Variants in ASNSD1 observed in about 807,000 individuals in gnomAD.
ASNSD1 encodes asparagine synthetase domain containing 1.
ASNSD1 carries 36 observed loss-of-function variants against 48.3 expected under a neutral mutation model. The observed-to-expected ratio is 0.75, with a 90% CI of 0.57 to 0.99. ASNSD1 has a LOEUF of 0.99. Ranked by LOEUF, ASNSD1 falls within the 50% of genes least tolerant of loss-of-function variation. The pLI is 0.00. For synonymous variants in ASNSD1, 257 were observed against 262.1 expected (o/e 0.98, Z 0.19); for missense variants, 714 against 758.2 (o/e 0.94, Z 0.69).
rs764446196 is a variant in ASNSD1, at chr2:189,667,104, C to G, written c.972C>G (p.Ile324Met). Residue 324 changes from isoleucine to methionine, a missense_variant, in exon 4 of 6, where the codon ATC (isoleucine) becomes ATG (methionine). Ile to Met is a conservative substitution (Grantham distance 10). Transcript: ENST00000260952. Reference protein sequence around the residue: ...KTCDRKANVAILFSGGIDSMV... With the variant: ...KTCDRKANVAMLFSGGIDSMV... ...GTGATAGGAAAGCAAATGTTGCAAT[C>G]CTGTTTTCTGGGGGCATTGATTCCA... 1 of 1,614,170 alleles carries G rather than the reference C, an allele frequency of 6.2e-7. No homozygotes were observed. The highest frequency in any genetic ancestry group is 1.6e-4 in the Middle Eastern group (1 of 6,062).
chr2:189,667,498 T>C lies in ASNSD1; in HGVS notation c.1366T>C (p.Leu456=). The C allele has an allele frequency of 6.2e-7, 1 of 1,614,154 alleles. No homozygotes were observed. The highest frequency in any genetic ancestry group is 8.5e-7 in the Non-Finnish European group (1 of 1,180,014). Residue 456 remains leucine (L), a synonymous_variant, in exon 4 of 6, where the codon TTG becomes CTG. Coordinates refer to ENST00000260952, the MANE Select transcript of ASNSD1 (RefSeq NM_019048.4). The part of the protein sequence containing the change: ...CHLIRPLDTV[L]DDSIGCAVWF... ...CTTAATTCGGCCATTGGATACAGTT[T>C]TGGATGATAGCATTGGCTGTGCAGT...
At chr2:189,661,960 A>T (rs1025519813) in intron 1 of ASNSD1, among the ~76,000 whole-genome samples, 1 of 152,060 alleles carries the variant, frequency 6.6e-6, no homozygotes, top group Non-Finnish European at 1.5e-5. Context: ...CATGCCAGCA[A>T]CCCGGGGTCC....
intron 1 of ASNSD1, among the ~76,000 whole-genome samples, chr2:189,662,422 G>A (rs2032688968): frequency 6.6e-6 from 1 of 152,188 alleles, no homozygotes; most frequent in East Asian, 1.9e-4. Flanking sequence ...AAAGTGAAAT[G>A]TACACCTGTC....
chr2:189,666,697 T>G lies in ASNSD1; in HGVS notation c.565T>G (p.Ser189Ala). The stretch of plus-strand genomic sequence containing the variant: ...AATTGATCTTAAGTCTACTGTCATT[T>G]CCGGATGCATTATTTTACAACTGTA... ...FRIDLKSTVI[S>A]GCIILQLYPW... The change falls in exon 4 of 6, where the codon TCC (serine) becomes GCC (alanine). Residue 189 changes from serine to alanine, a missense_variant. Physicochemically the swap from Ser to Ala is moderately conservative, Grantham distance 99. Coordinates refer to ENST00000260952, the MANE Select transcript of ASNSD1 (RefSeq NM_019048.4). 6.2e-7 allele frequency: 1 copy of G among 1,612,998 alleles called. No homozygotes were observed. Among genetic ancestry groups the G allele is most frequent in the South Asian group, 1.1e-5 (1 of 91,044 alleles).
rs1651029800 is a variant in ASNSD1, at chr2:189,666,751, A to G, written c.619A>G (p.Ile207Val). 8.1e-6 allele frequency: 13 copies of G among 1,613,336 alleles called. No individual in the cohort carries two copies. The highest frequency in any genetic ancestry group is 9.3e-6 in the Non-Finnish European group (11 of 1,179,394). ...TTGGAAATATATTTCTAGGGAGAATATTATTGAAGAAAATGTTAATAGCCT... is the reference window on the plus strand; with the variant it reads ...TTGGAAATATATTTCTAGGGAGAATGTTATTGAAGAAAATGTTAATAGCCT... ...YPWKYISREN[I>V]IEENVNSLSQ... Residue 207 changes from isoleucine to valine, a missense_variant, in exon 4 of 6, where the codon ATT becomes GTT. Transcript: ENST00000260952.
intron 5 of ASNSD1, 105 bp from the exon 6 acceptor site, chr2:189,670,336 C>A: frequency 1.2e-6 from 1 of 865,522 alleles, no homozygotes; most frequent in Non-Finnish European, 1.7e-6. Flanking sequence ...TAAAATTAGT[C>A]ATGTTGTGAA....
intron 5 of ASNSD1, 97 bp downstream of exon 5, chr2:189,668,042 C>T: frequency 8.5e-7 from 1 of 1,174,448 alleles, no homozygotes; most frequent in Non-Finnish European, 1.2e-6. Context: ...GGAGACTGTT[C>T]ACATGAATAA....
chr2:189,666,489 G>C lies in ASNSD1; in HGVS notation c.357G>C (p.Trp119Cys). The C allele has an allele frequency of 1.9e-6, 3 of 1,613,622 alleles. No individual in the cohort carries two copies. Among genetic ancestry groups the C allele is most frequent in the Non-Finnish European group, 2.5e-6 (3 of 1,179,894 alleles). The change falls in exon 4 of 6, where the codon TGG becomes TGC. Residue 119 changes from tryptophan to cysteine, a missense_variant. Trp to Cys is a radical substitution (Grantham distance 215, BLOSUM62 -2). Coordinates refer to ENST00000260952, the MANE Select transcript of ASNSD1 (RefSeq NM_019048.4). The stretch of plus-strand genomic sequence containing the variant: ...TCTTCTCAGAAGTACAAGGTCCCTG[G>C]TCATTTATATATTATCAAGCATCTA... ...LSLFSEVQGPWSFIYYQASSH... is the reference protein window; with the variant it reads ...LSLFSEVQGPCSFIYYQASSH...
At position 189,666,904 on chromosome 2, in the gene ASNSD1, A is replaced by C; in HGVS notation, c.772A>C (p.Ser258Arg). 1 of 1,614,090 alleles carries C rather than the reference A, an allele frequency of 6.2e-7. No individual in the cohort carries two copies. The highest frequency in any genetic ancestry group is 8.5e-7 in the Non-Finnish European group (1 of 1,180,008). The change falls in exon 4 of 6, where the codon AGT (serine) becomes CGT (arginine). Residue 258 changes from serine to arginine, a missense_variant. Physicochemically the swap from Ser to Arg is moderately radical, Grantham distance 110 (BLOSUM62 -1). Transcript: ENST00000260952. ...ACAAGCTGCATTGGAGACTCATTGC[A>C]GTAATATTTCCAATGTGCCACCTAC... ...LPQAALETHC[S>R]NISNVPPTRE...
At position 189,666,774 on chromosome 2, in the gene ASNSD1, C is replaced by T. The variant is rs751276134; in HGVS notation, c.642C>T (p.Ser214=). The T allele has an allele frequency of 6.2e-7, 1 of 1,613,686 alleles. No homozygotes were observed. The highest frequency in any genetic ancestry group is 1.7e-5 in the Admixed American group (1 of 60,026). ...RENIIEENVN[S]LSQISADLPA... is the part of the protein sequence containing the mutation. ...ATATTATTGAAGAAAATGTTAATAG[C>T]CTGAGTCAAATTTCAGCAGACTTAC... The change falls in exon 4 of 6, where the codon AGC becomes AGT. Residue 214 remains serine (S), a synonymous_variant. Transcript: ENST00000260952.
In ASNSD1 at chr2:189,666,228, C is replaced by T. The variant is rs568023301; in HGVS notation, c.96C>T (p.Pro32=). ...DLLYNLKQRG[P]NSSKQLLKSD... ...TATATAATCTTAAACAGCGGGGACC[C>T]AATAGTAGTAAACAATTGTTAAAGT... is the stretch of plus-strand genomic sequence containing the variant. The change falls in exon 4 of 6, where the codon CCC becomes CCT. Residue 32 remains proline (P), a synonymous_variant. Transcript: ENST00000260952. The T allele has an allele frequency of 2.5e-6, 4 of 1,613,982 alleles. No homozygotes were observed. The South Asian group carries it at 4.4e-5, about 18-fold the overall frequency.
chr2:189,665,328 C>G, intron 2 of ASNSD1, 48 bp from the exon 3 acceptor site: 1 of 391,434 alleles, frequency 2.6e-6, no homozygotes, highest in Non-Finnish European at 4.5e-6. Context: ...ATTTTAATAT[C>G]TACTTTTTAG....
In ASNSD1 at chr2:189,667,867, T is replaced by C. The variant is rs568668712; in HGVS notation, c.1568T>C (p.Met523Thr). 3 of 1,614,098 alleles carry C rather than the reference T, an allele frequency of 1.9e-6. No individual in the cohort carries two copies. In the East Asian group the frequency reaches 6.7e-5, roughly 36 times the overall value. The change falls in exon 5 of 6, where the codon ATG becomes ACG. Residue 523 changes from methionine to threonine, a missense_variant. Coordinates refer to ENST00000260952, the MANE Select transcript of ASNSD1 (RefSeq NM_019048.4). ...HGLEGLNKEI[M>T]MELGRISSRN... Reference sequence around the variant, plus strand: ...CTGGAAGGATTGAATAAGGAAATAATGATGGAACTGGGTCGAATTTCTTCT... The same window carrying C: ...CTGGAAGGATTGAATAAGGAAATAACGATGGAACTGGGTCGAATTTCTTCT...
intron 3 of ASNSD1, among the ~76,000 whole-genome samples, 157 bp downstream of exon 3, chr2:189,665,608 A>ATATATATATATATATATATATATATGTG (rs2032775674): frequency 7.5e-5 from 1 of 13,382 alleles, no homozygotes; most frequent in Non-Finnish European, 2.4e-4. Flanking sequence ...GTATATATAT[A>ATATATATATATATATATATATATATGTG]TATATATATA....
At chr2:189,669,930 G>A (rs1017004304) in intron 5 of ASNSD1, among the ~76,000 whole-genome samples, 1 of 152,226 alleles carries the variant, frequency 6.6e-6, no homozygotes, top group Admixed American at 6.5e-5. Context: ...GGACTGTGGA[G>A]CCCTTCTATA....
At chr2:189,663,252 T>TTTATTTAA (rs2032711289) in intron 1 of ASNSD1, among the ~76,000 whole-genome samples, 1 of 151,590 alleles carries the variant, frequency 6.6e-6, no homozygotes, top group Non-Finnish European at 1.5e-5. Context: ...TTTTAAATTA[T>TTTATTTAA]TTATTTATTT....
intron 1 of ASNSD1, among the ~76,000 whole-genome samples, chr2:189,663,667 C>T (rs2032724386): frequency 6.6e-6 from 1 of 152,168 alleles, no homozygotes; most frequent in Admixed American, 6.6e-5. Flanking sequence ...AATGGGTTAC[C>T]TAACATTTTG....
Position 189,666,498 on chromosome 2 carries a change from A to G in ASNSD1, c.366A>G (p.Ile122Met). The G allele has an allele frequency of 1.2e-6, 2 of 1,613,574 alleles. No homozygotes were observed. The highest frequency in any genetic ancestry group is 2.2e-5 in the South Asian group (2 of 90,988). ...FSEVQGPWSF[I>M]YYQASSHYLW... Reference sequence around the variant, plus strand: ...AAGTACAAGGTCCCTGGTCATTTATATATTATCAAGCATCTAGTCATTATT... The same window carrying G: ...AAGTACAAGGTCCCTGGTCATTTATGTATTATCAAGCATCTAGTCATTATT... The change falls in exon 4 of 6, where the codon ATA (isoleucine) becomes ATG (methionine). Residue 122 changes from isoleucine to methionine, a missense_variant. Ile to Met is a conservative substitution (Grantham distance 10). Coordinates refer to ENST00000260952, the MANE Select transcript of ASNSD1 (RefSeq NM_019048.4).
rs772923573 is a variant in ASNSD1, at chr2:189,661,565, C to A, written c.-268C>A. On this transcript the variant is annotated 5_prime_UTR_variant, in exon 1 of 6. Transcript: ENST00000260952. ...GACCAGAGGACAGCTCTGTGCTGAT[C>A]CCCACCGACAATTCGACCCCACACA... 1 of 399,122 alleles carries A rather than the reference C, an allele frequency of 2.5e-6. No homozygotes were observed. Among genetic ancestry groups the A allele is most frequent in the African/African-American group, 2.1e-5 (1 of 48,630 alleles). 24.7% of individuals were successfully genotyped at this position (399,122 alleles called of 1,614,324 possible).
Sources: allele counts gnomAD v4.1 joint callset (sites outside exome capture counted in the v4.1 genomes callset), GRCh38; gene constraint gnomAD v4.1.1; transcripts MANE v1.5; gene names NCBI Gene and HGNC (gene_info 2026-07-23, HGNC 2026-07-21).